TASOR: variants seen among roughly 807,000 people sequenced by gnomAD.
TASOR encodes the protein transcription activation suppressor.
A neutral mutation model predicts 178.6 loss-of-function variants in TASOR; 53 were observed. That is an observed-to-expected ratio of 0.30 (90% CI 0.24 to 0.37). The LOEUF is 0.37. Ranked by LOEUF, TASOR falls within the 10% of genes least tolerant of loss-of-function variation. The pLI is 1.00. For synonymous variants in TASOR, 713 were observed against 696.2 expected, an observed-to-expected ratio of 1.02 and a Z score of -0.38; for missense variants, 1,815 against 1,971.4, an observed-to-expected ratio of 0.92 and a Z score of 1.50.
Position 56,662,945 on chromosome 3 carries a change from G to A in TASOR, c.1055-455C>T, listed in dbSNP as rs1465574287. ...TGTAACCCCAGCACTTTGGGAGGCC[G>A]AGGCGGGTGGATCACTTAAGGTTAG... On this transcript the variant is annotated intron_variant, in intron 8 of 23. Coordinates refer to ENST00000683822, the MANE Select transcript of TASOR (RefSeq NM_001365635.2). Among the ~76,000 whole-genome samples, 4 of 152,138 alleles carry A rather than the reference G, an allele frequency of 2.6e-5. 1 individual carries two copies. The highest frequency in any genetic ancestry group is 4.1e-4 in the South Asian group (2 of 4,830).
At chr3:56,661,971 C>CA (rs5849160) in intron 9 of TASOR, among the ~76,000 whole-genome samples, 92,273 of 149,960 alleles carry the variant, frequency 0.62, 30,881 homozygotes, top group East Asian at 0.96. Context: ...ACTAAAAATA[C>CA]AAAAAAAAAT....
At chr3:56,665,940 G>A (rs540793446) in intron 7 of TASOR, among the ~76,000 whole-genome samples, 5 of 152,240 alleles carry the variant, frequency 3.3e-5, no homozygotes, top group African/African-American at 1.2e-4. Flanking sequence ...ATGCACTCCA[G>A]CCTGGGGGAC....
At chr3:56,650,838 C>T (rs771110319) in intron 11 of TASOR, among the ~76,000 whole-genome samples, 4 of 152,130 alleles carry the variant, frequency 2.6e-5, no homozygotes, top group Non-Finnish European at 5.9e-5. Context: ...ATACTACAAG[C>T]GGACAATGTA....
chr3:56,620,821 G>A lies in TASOR; in HGVS notation c.*2216C>T, dbSNP rs1393086988. The A allele has an allele frequency of 6.6e-6, 1 of 152,220 alleles. No individual in the cohort carries two copies. The highest frequency in any genetic ancestry group is 2.4e-5 in the African/African-American group (1 of 41,430). The allele number at this position is 152,220 out of a possible 1,614,324, so 9.4% of individuals were successfully genotyped here. A position where few individuals can be genotyped will look rare whatever the true frequency, so the allele number is the denominator to read the frequency against. The stretch of plus-strand genomic sequence containing the variant: ...AGTGTTATTTCAGCAGGACCCTTCT[G>A]TTAGCATCTAAGGTAAGGTTAGGAC... On this transcript the variant is annotated 3_prime_UTR_variant, in exon 24 of 24. Transcript: ENST00000683822.
chr3:56,663,517 A>C, intron 8 of TASOR, 24 bp downstream of exon 8: 1 of 1,064,604 alleles, frequency 9.4e-7, no homozygotes, highest in Non-Finnish European at 1.3e-6. Context: ...CATTTATAAA[A>C]CTAAAGAAAC....
intron 3 of TASOR, 93 bp from the exon 4 acceptor site, chr3:56,670,238 A>G: frequency 1.3e-6 from 1 of 743,992 alleles, no homozygotes; most frequent in Non-Finnish European, 2.1e-6. Context: ...ATAAAAACAA[A>G]GCTTCTTAAC....
chr3:56,633,216 T>A lies in TASOR; in HGVS notation c.3575A>T (p.Lys1192Ile), dbSNP rs751356426. 1 of 1,614,170 alleles carries A rather than the reference T, an allele frequency of 6.2e-7. No individual in the cohort carries two copies. The highest frequency in any genetic ancestry group is 8.5e-7 in the Non-Finnish European group (1 of 1,180,018). Residue 1192 changes from lysine (K) to isoleucine (I), a missense_variant, in exon 18 of 24, where the codon AAA becomes ATA. Transcript: ENST00000683822. ...AGAAATGTTTACATCACTGGGGGATTTTGTTGTTTCTTCTACTGGTTCCCG... is the reference window on the plus strand; with the variant it reads ...AGAAATGTTTACATCACTGGGGGATATTGTTGTTTCTTCTACTGGTTCCCG... ...MAREPVEETTKSPSDVNISAQ... is the reference protein window; with the variant it reads ...MAREPVEETTISPSDVNISAQ...
At chr3:56,663,832 G>T in intron 7 of TASOR, 1 of 1,005,334 alleles carries the variant, frequency 9.9e-7, no homozygotes, top group Non-Finnish European at 1.2e-6. Context: ...TATTAACCAA[G>T]AGAGAACAGT....
At chr3:56,665,308 G>C (rs2077683957) in intron 7 of TASOR, among the ~76,000 whole-genome samples, 1 of 152,106 alleles carries the variant, frequency 6.6e-6, no homozygotes. Flanking sequence ...CTTTGTAGAA[G>C]CTCCCCATTT....
intron 1 of TASOR, among the ~76,000 whole-genome samples, chr3:56,675,996 C>T (rs1165239303): frequency 6.6e-6 from 1 of 152,146 alleles, no homozygotes; most frequent in East Asian, 1.9e-4. Flanking sequence ...AAAAAATAGT[C>T]AACAGTTATA....
chr3:56,636,226 C>T (rs1330463872), intron 17 of TASOR, among the ~76,000 whole-genome samples: 1 of 148,982 alleles, frequency 6.7e-6, no homozygotes, highest in Non-Finnish European at 1.5e-5. Context: ...TGCAGTGAGC[C>T]AAGATTGCAC....
At chr3:56,654,402 T>A (rs1386226230) in intron 11 of TASOR, among the ~76,000 whole-genome samples, 3 of 41,952 alleles carry the variant, frequency 7.2e-5, no homozygotes, top group African/African-American at 5.5e-4. Context: ...GTGGGCGGGG[T>A]TGGGGGGTGG....
chr3:56,659,792 A>G (rs2077552564), intron 11 of TASOR, among the ~76,000 whole-genome samples: 1 of 152,190 alleles, frequency 6.6e-6, no homozygotes, highest in Admixed American at 6.5e-5. Flanking sequence ...GCTGTATGAC[A>G]CAGGTCCCTA....
At chr3:56,676,547 TAA>T (rs2031315293) in intron 1 of TASOR, among the ~76,000 whole-genome samples, 1 of 152,202 alleles carries the variant, frequency 6.6e-6, no homozygotes, top group Non-Finnish European at 1.5e-5. Context: ...AGCATGATTT[TAA>T]AAGTTGGGTT....
At chr3:56,667,134 T>C (rs1002749603) in intron 6 of TASOR, among the ~76,000 whole-genome samples, 6 of 152,222 alleles carry the variant, frequency 3.9e-5, no homozygotes, top group Non-Finnish European at 7.3e-5. Flanking sequence ...CTTACATGTA[T>C]ACTTCACACC....
At chr3:56,668,347 G>C in intron 6 of TASOR, 50 bp downstream of exon 6, 2 of 1,517,736 alleles carry the variant, frequency 1.3e-6, no homozygotes, top group Non-Finnish European at 1.8e-6. Context: ...AAAGGATTTG[G>C]TAACAAACAG....
intron 11 of TASOR, among the ~76,000 whole-genome samples, chr3:56,658,916 A>AAGAG (rs369022860): frequency 0.18 from 27,585 of 149,352 alleles, 3,378 homozygotes; most frequent in South Asian, 0.41. Flanking sequence ...TCAAAAAAAA[A>AAGAG]AGAGAGAGAG....
intron 1 of TASOR, among the ~76,000 whole-genome samples, chr3:56,680,982 A>T (rs1025115774): frequency 2.0e-5 from 3 of 152,032 alleles, no homozygotes; most frequent in African/African-American, 4.8e-5. Context: ...ATCTAATTTT[A>T]AAAAAACACA....
At chr3:56,679,627 T>G (rs1215417955) in intron 1 of TASOR, among the ~76,000 whole-genome samples, 1 of 152,210 alleles carries the variant, frequency 6.6e-6, no homozygotes, top group Admixed American at 6.5e-5. Flanking sequence ...ATGAGCGCAA[T>G]TAATTTTTGA....
Sources: gnomAD v4.1 joint callset for allele counts (sites outside exome capture counted in the v4.1 genomes callset) on GRCh38, gnomAD v4.1.1 for gene constraint, MANE v1.5 for transcripts, NCBI Gene and HGNC (gene_info 2026-07-23, HGNC 2026-07-21) for gene names.